TSPAN11: variants seen among roughly 807,000 people sequenced by gnomAD.
TSPAN11 encodes tetraspanin-11.
A neutral mutation model predicts 32.9 loss-of-function variants in TSPAN11; 29 were observed. The ratio of observed to expected loss-of-function variants is 0.88; its 90% CI spans 0.66 to 1.20. TSPAN11 has a LOEUF of 1.20. Among genes scored for constraint, TSPAN11 ranks in the 50% most tolerant of loss-of-function variants. The pLI, the probability that TSPAN11 is intolerant of heterozygous loss-of-function variation, is 0.00. For missense variants in TSPAN11, 283 were observed against 329.1 expected (o/e 0.86, Z 1.08); for synonymous variants, 140 against 141.3 (o/e 0.99, Z 0.07).
Position 30,953,964 on chromosome 12 carries a change from A to C in TSPAN11, c.-11-17A>C, listed in dbSNP as rs1314345896. The stretch of plus-strand genomic sequence containing the variant: ...TCTCGGTGATTCCCCGGCCCAGCAT[A>C]TGTGTCTTCTCTGCAGGCCCAGAAG... On this transcript the variant is annotated splice_polypyrimidine_tract_variant and intron_variant, in intron 1 of 7. Coordinates refer to ENST00000546076, the MANE Select transcript of TSPAN11 (RefSeq NM_001370302.1). 2 of 1,597,634 alleles carry C rather than the reference A, an allele frequency of 1.3e-6. No individual in the cohort carries two copies. Among genetic ancestry groups the C allele is most frequent in the East Asian group, 4.5e-5 (2 of 44,784 alleles).
the TSPAN11 span, among the ~76,000 whole-genome samples, chr12:31,007,447 T>C: frequency 4.6e-5 from 7 of 151,922 alleles, no homozygotes; most frequent in East Asian, 1.2e-3. Flanking sequence ...TGACCTGGGA[T>C]AGGTCGTCTG....
chr12:30,932,503 A>G (rs74086311), intron 1 of TSPAN11, among the ~76,000 whole-genome samples: 2,813 of 152,280 alleles, frequency 0.018, 87 homozygotes, highest in African/African-American at 0.064. Flanking sequence ...TTCCTCTAGT[A>G]GCATCCCTGG....
the TSPAN11 span, among the ~76,000 whole-genome samples, chr12:31,015,963 T>C: frequency 6.6e-6 from 1 of 152,098 alleles, no homozygotes; most frequent in Admixed American, 6.5e-5. This position sits in a 1 kb window ranked among gnomAD's most constrained non-coding sequence, Gnocchi z 4.9. Flanking sequence ...AACACTGTCT[T>C]CACCTCTGCA....
intron 3 of TSPAN11, among the ~76,000 whole-genome samples, chr12:30,967,738 A>C (rs1447905031): frequency 8.3e-6 from 1 of 121,066 alleles, no homozygotes; most frequent in Non-Finnish European, 1.8e-5. Context: ...TCAGCCACCA[A>C]CGCAGGACTG....
the TSPAN11 span, among the ~76,000 whole-genome samples, chr12:31,010,643 T>C: frequency 6.6e-6 from 1 of 151,932 alleles, no homozygotes; most frequent in African/African-American, 2.4e-5. Context: ...AAAAAAATTT[T>C]TAATTTACTG....
Position 30,926,833 on chromosome 12 carries a change from G to A in TSPAN11, c.-12+37G>A, listed in dbSNP as rs1220476691. 7.2e-6 allele frequency: 6 copies of A among 831,688 alleles called. No homozygotes were observed. In the Admixed American group the frequency reaches 1.3e-4, roughly 18 times the overall value. The allele number at this position is 831,688 out of a possible 1,614,324, so 51.5% of individuals were successfully genotyped here. On this transcript the variant is annotated intron_variant, in intron 1 of 7. Transcript: ENST00000546076. ...AGCGCGCCCGAGGAGTGGGGGCGCC[G>A]CGGGAGGGGGCTGGGGGTCCAGGAG...
At chr12:30,967,402 T>G (rs1472560423) in intron 3 of TSPAN11, among the ~76,000 whole-genome samples, 1 of 152,246 alleles carries the variant, frequency 6.6e-6, no homozygotes, top group African/African-American at 2.4e-5. Context: ...TGCCCTACCC[T>G]TCTGCACTTC....
intron 7 of TSPAN11, among the ~76,000 whole-genome samples, chr12:30,987,878 G>A (rs1272043149): frequency 1.3e-5 from 2 of 150,174 alleles, no homozygotes; most frequent in Non-Finnish European, 2.9e-5. Flanking sequence ...GGTTCCAGAG[G>A]ACAGAAGGGG....
At chr12:30,978,779 T>C (rs976223940) in intron 4 of TSPAN11, 144 bp downstream of exon 4, 1 of 690,210 alleles carries the variant, frequency 1.4e-6, no homozygotes, top group Non-Finnish European at 2.5e-6. Flanking sequence ...CCCCTACATA[T>C]CTGCATCCCA....
At chr12:30,954,960 A>G (rs546863437) in intron 2 of TSPAN11, 7 of 152,322 alleles carry the variant, frequency 4.6e-5, no homozygotes, top group Admixed American at 3.9e-4. Flanking sequence ...GCTTCCTGCT[A>G]CCATGGTGAG....
chr12:30,929,814 G>A (rs895970192), intron 1 of TSPAN11, among the ~76,000 whole-genome samples: 1 of 152,212 alleles, frequency 6.6e-6, no homozygotes, highest in East Asian at 1.9e-4. Flanking sequence ...TCTCCTCCAC[G>A]TAAAATAGTC....
the TSPAN11 span, among the ~76,000 whole-genome samples, chr12:31,007,555 G>C: frequency 6.6e-6 from 1 of 152,076 alleles, no homozygotes; most frequent in Non-Finnish European, 1.5e-5. Flanking sequence ...CAGTCTCCTG[G>C]GGTTGGGTGT....
At chr12:30,987,184 C>G (rs1457742033) in intron 7 of TSPAN11, among the ~76,000 whole-genome samples, 8 of 152,152 alleles carry the variant, frequency 5.3e-5, no homozygotes, top group African/African-American at 1.9e-4. Flanking sequence ...AAAGATGTGG[C>G]CTGGAACTGC....
At chr12:31,008,568 AG>A in the TSPAN11 span, among the ~76,000 whole-genome samples, 1 of 152,174 alleles carries the variant, frequency 6.6e-6, no homozygotes, top group Non-Finnish European at 1.5e-5. Context: ...CCTGCACATC[AG>A]GGGGCCACTC....
In TSPAN11 at chr12:30,996,394, T is replaced by A. The variant is rs955433968; in HGVS notation, c.*4479T>A. The A allele has an allele frequency of 1.3e-5, 2 of 152,244 alleles. No homozygotes were observed. Among genetic ancestry groups the A allele is most frequent in the Non-Finnish European group, 2.9e-5 (2 of 68,060 alleles). The allele number at this position is 152,244 out of a possible 1,614,324, so 9.4% of individuals were successfully genotyped here. A position where few individuals can be genotyped will look rare whatever the true frequency, so the allele number is the denominator to read the frequency against. On this transcript the variant is annotated 3_prime_UTR_variant, in exon 8 of 8. Transcript: ENST00000546076. ...GTTATTCCAGGCAGCCCAATGTTGT[T>A]GAGGCCAGATGGATTCCTGGAAGCA...
chr12:30,975,169 G>A lies in TSPAN11; in HGVS notation c.277-3392G>A, dbSNP rs1450378362. On this transcript the variant is annotated intron_variant, in intron 3 of 7. Coordinates refer to ENST00000546076, the MANE Select transcript of TSPAN11 (RefSeq NM_001370302.1). The surrounding 1 kb of genome is among the most constrained non-coding windows in gnomAD (Gnocchi z 4.5). ...GCAGGGGCCCTGAGATGATCGCGCC[G>A]GACCCAGGGAGTCAGGAAAGGCTGG... Among the ~76,000 whole-genome samples the A allele has an allele frequency of 2.6e-5, 4 of 152,152 alleles. No homozygotes were observed. The highest frequency in any genetic ancestry group is 1.9e-4 in the East Asian group (1 of 5,186).
chr12:30,939,970 G>T (rs886633522), intron 1 of TSPAN11, among the ~76,000 whole-genome samples: 5 of 152,206 alleles, frequency 3.3e-5, no homozygotes, highest in Non-Finnish European at 5.9e-5. Flanking sequence ...GCTGAAATTG[G>T]AAAACGAGAG....
chr12:31,009,848 T>TC, the TSPAN11 span, among the ~76,000 whole-genome samples: 1 of 152,240 alleles, frequency 6.6e-6, no homozygotes, highest in African/African-American at 2.4e-5. Context: ...CCTTGGTTTT[T>TC]CCATCTATAA....
intron 3 of TSPAN11, among the ~76,000 whole-genome samples, chr12:30,967,912 C>A (rs1218762717): frequency 6.6e-6 from 1 of 151,916 alleles, no homozygotes; most frequent in Non-Finnish European, 1.5e-5. Context: ...ACATCCTGGC[C>A]CAACAGCCCG....
Sources: gnomAD v4.1 joint callset for allele counts (sites outside exome capture counted in the v4.1 genomes callset) on GRCh38, gnomAD v4.1.1 for gene constraint, Gnocchi (gnomAD v3.1) non-coding constraint, MANE v1.5 for transcripts, NCBI Gene and HGNC (gene_info 2026-07-23, HGNC 2026-07-21) for gene names.